BARHL1: variants seen among roughly 807,000 people sequenced by gnomAD.
BARHL1 encodes the protein barH-like 1 homeobox protein.
BARHL1 carries 2 observed loss-of-function variants against 20.1 expected under a neutral mutation model. The ratio of observed to expected loss-of-function variants is 0.10; its 90% CI spans 0.04 to 0.31. The LOEUF (loss-of-function observed/expected upper bound fraction) is 0.31, where lower values mean the gene tolerates loss of function less well. BARHL1 is among the 10% of genes least tolerant of loss of function. The pLI is 1.00. For missense variants in BARHL1, 397 were observed against 454.0 expected (o/e 0.87, Z 1.14); for synonymous variants, 213 against 209.9 (o/e 1.01, Z -0.13).
intron 1 of BARHL1, among the ~76,000 whole-genome samples, chr9:132,583,850 C>CT (rs1753369598): frequency 6.6e-6 from 1 of 152,198 alleles, no homozygotes; most frequent in African/African-American, 2.4e-5. Context: ...AGGAAGCTGC[C>CT]TGGGAGCAGG....
chr9:132,589,713 C>T lies in BARHL1; in HGVS notation c.*191C>T. The T allele has an allele frequency of 5.4e-6, 4 of 738,960 alleles. No individual in the cohort carries two copies. Among genetic ancestry groups the T allele is most frequent in the Middle Eastern group, 4.6e-4 (1 of 2,160 alleles). The allele number at this position is 738,960 out of a possible 1,614,324, so 45.8% of individuals were successfully genotyped here. On this transcript the variant is annotated 3_prime_UTR_variant, in exon 3 of 3. Coordinates refer to ENST00000263610, the MANE Select transcript of BARHL1 (RefSeq NM_020064.4). ...GAGGCCCGGACCCCGGACTGCGTCT[C>T]CCCAGCCCCCCTCGGCGTCCTCTCT...
intron 2 of BARHL1, among the ~76,000 whole-genome samples, chr9:132,588,731 G>A (rs1345186226): frequency 6.6e-6 from 1 of 152,146 alleles, no homozygotes; most frequent in Non-Finnish European, 1.5e-5. Context: ...AGGCCTGCTC[G>A]CTTCTGCTAG....
chr9:132,589,114 G>C (rs1331444736), intron 2 of BARHL1, 114 bp from the exon 3 acceptor site: 7 of 1,471,926 alleles, frequency 4.8e-6, no homozygotes, highest in Non-Finnish European at 6.3e-6. Flanking sequence ...TAACAAATGA[G>C]TACGATCCCT....
chr9:132,587,313 GC>G lies in BARHL1; in HGVS notation c.467-14del. ...CGGCTGCGAGGCCGGGCCCTGACAT[GC>G]CGCTGTGTCCGCAGTGAAGGAGGAG... On this transcript the variant is annotated splice_polypyrimidine_tract_variant and intron_variant, in intron 1 of 2. Transcript: ENST00000263610. This position sits in a 1 kb window ranked among gnomAD's most constrained non-coding sequence, Gnocchi z 5.5. 1 of 1,585,504 alleles carries G rather than the reference GC, an allele frequency of 6.3e-7. No individual in the cohort carries two copies. Among genetic ancestry groups the G allele is most frequent in the Non-Finnish European group, 8.6e-7 (1 of 1,168,310 alleles).
chr9:132,587,303 G>A lies in BARHL1; in HGVS notation c.467-26G>A. On this transcript the variant is annotated intron_variant, in intron 1 of 2. Coordinates refer to ENST00000263610, the MANE Select transcript of BARHL1 (RefSeq NM_020064.4). The surrounding 1 kb of genome is among the most constrained non-coding windows in gnomAD (Gnocchi z 5.5). ...GCACCGGCGGCGGCTGCGAGGCCGG[G>A]CCCTGACATGCCGCTGTGTCCGCAG... 2 of 1,570,552 alleles carry A rather than the reference G, an allele frequency of 1.3e-6. No individual in the cohort carries two copies. Among genetic ancestry groups the A allele is most frequent in the Non-Finnish European group, 1.7e-6 (2 of 1,159,958 alleles).
intron 1 of BARHL1, among the ~76,000 whole-genome samples, chr9:132,584,162 GAA>G (rs1491397046): frequency 6.6e-4 from 99 of 148,998 alleles, no homozygotes; most frequent in African/African-American, 2.4e-3. Flanking sequence ...AGGAAGGAAG[GAA>G]GGAAGGGAAA....
intron 1 of BARHL1, among the ~76,000 whole-genome samples, chr9:132,585,658 A>G (rs1250813992): frequency 2.0e-5 from 3 of 151,928 alleles, no homozygotes; most frequent in African/African-American, 7.3e-5. Context: ...GGAAGCCAGT[A>G]CCCCCTGGGC....
intron 2 of BARHL1, 40 bp from the exon 3 acceptor site, chr9:132,589,188 T>C (rs1315619143): frequency 6.3e-7 from 1 of 1,578,472 alleles, no homozygotes; most frequent in Non-Finnish European, 8.6e-7. Flanking sequence ...CTGGATGCCC[T>C]AGCCCTGATC....
chr9:132,583,960 T>C (rs763896961), intron 1 of BARHL1, among the ~76,000 whole-genome samples: 3 of 152,210 alleles, frequency 2.0e-5, no homozygotes, highest in Non-Finnish European at 2.9e-5. Flanking sequence ...CCGGGTTTTA[T>C]GCAAGTTCCA....
intron 1 of BARHL1, among the ~76,000 whole-genome samples, chr9:132,586,440 C>G (rs894841629): frequency 6.6e-6 from 1 of 152,226 alleles, no homozygotes; most frequent in Non-Finnish European, 1.5e-5. Context: ...CAGTCAAAGC[C>G]GAACGAAAGT....
Position 132,582,679 on chromosome 9 carries a change from T to G in BARHL1, c.-119T>G. The G allele has an allele frequency of 1.1e-6, 1 of 918,334 alleles. No individual in the cohort carries two copies. Among genetic ancestry groups the G allele is most frequent in the South Asian group, 1.8e-5 (1 of 57,142 alleles). The allele number at this position is 918,334 out of a possible 1,614,324, so 56.9% of individuals were successfully genotyped here. On this transcript the variant is annotated 5_prime_UTR_variant, in exon 1 of 3. Transcript: ENST00000263610. ...CCCCAAGGCTGAACTCCGTCCAAGG[T>G]GCCCGCAGGCTCCCTGCCCGCCTTC...
chr9:132,586,011 T>C (rs1010610375), intron 1 of BARHL1, among the ~76,000 whole-genome samples: 1 of 152,200 alleles, frequency 6.6e-6, no homozygotes, highest in Non-Finnish European at 1.5e-5. Flanking sequence ...TGCCCAAATA[T>C]GGGGAGCCCA....
Position 132,587,183 on chromosome 9 carries a change from TC to T in BARHL1, c.467-143del. On this transcript the variant is annotated intron_variant, in intron 1 of 2. Transcript: ENST00000263610. The surrounding 1 kb of genome is among the most constrained non-coding windows in gnomAD (Gnocchi z 5.5). ...TGTCCTGTTCCCGGGGCCCCAGAGG[TC>T]CCGTCTGAGAGCGGCCCCCGCGAGC... The T allele has an allele frequency of 3.8e-6, 3 of 790,474 alleles. No individual in the cohort carries two copies. The highest frequency in any genetic ancestry group is 6.0e-6 in the Non-Finnish European group (3 of 498,954). 49.0% of individuals were successfully genotyped at this position (790,474 alleles called of 1,614,324 possible). A position where few individuals can be genotyped will look rare whatever the true frequency, so the allele number is the denominator to read the frequency against.
rs553740163 is a variant in BARHL1 at position 132,588,071 on chromosome 9, C to T, written c.689+520C>T. On this transcript the variant is annotated intron_variant, in intron 2 of 2. Coordinates refer to ENST00000263610, the MANE Select transcript of BARHL1 (RefSeq NM_020064.4). ...CCCCAGCCTTTCTGGTCCCAAAACC[C>T]GAGGGGGGAACTGGCCAAGCCCTTG... Among the ~76,000 whole-genome samples the T allele has an allele frequency of 9.9e-5, 15 of 152,252 alleles. 1 individual carries two copies. The highest frequency in any genetic ancestry group is 2.6e-4 in the Admixed American group (4 of 15,304).
chr9:132,582,669 C>A lies in BARHL1; in HGVS notation c.-129C>A. The A allele has an allele frequency of 1.2e-6, 1 of 839,500 alleles. No homozygotes were observed. Among genetic ancestry groups the A allele is most frequent in the East Asian group, 2.7e-5 (1 of 37,284 alleles). 52.0% of individuals were successfully genotyped at this position (839,500 alleles called of 1,614,324 possible). ...TCCCGGGCTCCCCCAAGGCTGAACTCCGTCCAAGGTGCCCGCAGGCTCCCT... is the reference window on the plus strand; with the variant it reads ...TCCCGGGCTCCCCCAAGGCTGAACTACGTCCAAGGTGCCCGCAGGCTCCCT... On this transcript the variant is annotated 5_prime_UTR_variant, in exon 1 of 3. Coordinates refer to ENST00000263610, the MANE Select transcript of BARHL1 (RefSeq NM_020064.4).
At chr9:132,584,722 G>A (rs1016164181) in intron 1 of BARHL1, among the ~76,000 whole-genome samples, 3 of 152,186 alleles carry the variant, frequency 2.0e-5, no homozygotes, top group African/African-American at 2.4e-5. Context: ...AAGTAGGCAG[G>A]TTTAACGGAG....
rs1830184459 is a variant in BARHL1, at chr9:132,589,559, C to T, written c.*37C>T. ...GCTCCGGGGCCTCCTCCCGCGGGCT[C>T]GGCGTGGCCCCTTCCGCCCGCCTTT... is the stretch of plus-strand genomic sequence containing the variant. On this transcript the variant is annotated 3_prime_UTR_variant, in exon 3 of 3. Coordinates refer to ENST00000263610, the MANE Select transcript of BARHL1 (RefSeq NM_020064.4). The T allele has an allele frequency of 1.4e-5, 17 of 1,252,870 alleles. No homozygotes were observed. Among genetic ancestry groups the T allele is most frequent in the Non-Finnish European group, 1.6e-5 (16 of 1,002,658 alleles). The allele number at this position is 1,252,870 out of a possible 1,614,324, so 77.6% of individuals were successfully genotyped here.
In BARHL1 at chr9:132,589,784, T is replaced by G. The variant is rs971133945; in HGVS notation, c.*262T>G. The G allele has an allele frequency of 1.1e-5, 4 of 350,162 alleles. No homozygotes were observed. The highest frequency in any genetic ancestry group is 2.0e-5 in the Non-Finnish European group (4 of 203,250). 21.7% of individuals were successfully genotyped at this position (350,162 alleles called of 1,614,324 possible). ...GCCATCCCCACCCGCCGGGTGTACA[T>G]ACGCGTCTCTGCCACTCCCCACCCC... On this transcript the variant is annotated 3_prime_UTR_variant, in exon 3 of 3. Transcript: ENST00000263610.
rs1291710303 is a variant in BARHL1 at position 132,582,824 on chromosome 9, C to T, written c.27C>T (p.Ile9=). The T allele has an allele frequency of 1.3e-6, 2 of 1,599,768 alleles. No individual in the cohort carries two copies. The highest frequency in any genetic ancestry group is 1.3e-5 in the African/African-American group (1 of 74,534). Residue 9 remains isoleucine (I), a synonymous_variant, in exon 1 of 3, where the codon ATC becomes ATT. Transcript: ENST00000263610. MEGSNGFG[I]DSILSHRAGS... Reference sequence around the variant, plus strand: ...TGGAAGGCTCCAATGGCTTTGGGATCGACTCCATTCTCTCCCACCGCGCGG... The same window carrying T: ...TGGAAGGCTCCAATGGCTTTGGGATTGACTCCATTCTCTCCCACCGCGCGG...
Sources: allele counts gnomAD v4.1 joint callset (sites outside exome capture counted in the v4.1 genomes callset), GRCh38; gene constraint gnomAD v4.1.1; non-coding constraint Gnocchi (gnomAD v3.1); transcripts MANE v1.5; gene names NCBI Gene and HGNC (gene_info 2026-07-23, HGNC 2026-07-21).